LRRC4C: variants seen among roughly 807,000 people sequenced by gnomAD.
The protein encoded by LRRC4C is leucine rich repeat containing 4C.
Under a neutral mutation model 33.6 loss-of-function variants are expected in LRRC4C, and 5 were observed. The observed-to-expected ratio is 0.15, with a 90% confidence interval of 0.08 to 0.31. The LOEUF (loss-of-function observed/expected upper bound fraction) is 0.31, where lower values mean the gene tolerates loss of function less well. LRRC4C is among the 10% of genes least tolerant of loss of function. LRRC4C has a pLI of 1.00. For missense variants in LRRC4C, 560 were observed against 796.7 expected (o/e 0.70, Z 3.58); for synonymous variants, 329 against 302.0 (o/e 1.09, Z -0.93).
intron 5 of LRRC4C, among the ~76,000 whole-genome samples, chr11:40,157,528 T>A (rs1858803099): frequency 6.6e-6 from 1 of 151,920 alleles, no homozygotes; most frequent in Non-Finnish European, 1.5e-5. Flanking sequence ...AGGACTAATA[T>A]CCAGAATCTA....
intron 3 of LRRC4C, among the ~76,000 whole-genome samples, chr11:40,359,212 C>T (rs1459615458): frequency 1.3e-5 from 2 of 152,126 alleles, no homozygotes; most frequent in Non-Finnish European, 2.9e-5. Flanking sequence ...AGCAGGATAC[C>T]AGTATGTGGC....
At chr11:40,401,380 G>A (rs7933903) in intron 3 of LRRC4C, among the ~76,000 whole-genome samples, 57,283 of 151,736 alleles carry the variant, frequency 0.38, 11,171 homozygotes, top group South Asian at 0.47. Context: ...GTCATCCTGC[G>A]TTTACTCTGA....
chr11:40,434,882 T>C (rs1283038927), intron 3 of LRRC4C, among the ~76,000 whole-genome samples: 1 of 152,158 alleles, frequency 6.6e-6, no homozygotes, highest in African/African-American at 2.4e-5. Context: ...AAAGAGAGAA[T>C]GATGAATAGA....
intron 3 of LRRC4C, among the ~76,000 whole-genome samples, chr11:40,578,956 C>G (rs1958340136): frequency 6.6e-6 from 1 of 152,094 alleles, no homozygotes; most frequent in African/African-American, 2.4e-5. Flanking sequence ...AACCTATTGG[C>G]CAAAAATTCC....
intron 1 of LRRC4C, among the ~76,000 whole-genome samples, chr11:41,079,719 G>A (rs2135475424): frequency 6.6e-6 from 1 of 152,264 alleles, no homozygotes; most frequent in South Asian, 2.1e-4. Context: ...AGACCAGGAT[G>A]GCTTCAAATG....
rs2137046696 is a variant in LRRC4C at position 40,345,990 on chromosome 11, C to T, written c.-269-26269G>A. Among the ~76,000 whole-genome samples, 3 of 152,190 alleles carry T rather than the reference C, an allele frequency of 2.0e-5. No homozygotes were observed. The South Asian group carries it at 6.2e-4, about 32-fold the overall frequency. On this transcript the variant is annotated intron_variant, in intron 3 of 6. Transcript: ENST00000528697. ...TCATTAGAGAAATGAAAATCAAAAA[C>T]ACAATAAGACACCATCTCACACCAG...
intron 1 of LRRC4C, among the ~76,000 whole-genome samples, chr11:40,973,231 C>T (rs1851852226): frequency 1.3e-5 from 2 of 151,896 alleles, no homozygotes; most frequent in Admixed American, 1.3e-4. Context: ...TGAACTAATA[C>T]ACTAGTTATG....
chr11:41,441,610 C>A (rs1157428974), intron 1 of LRRC4C, among the ~76,000 whole-genome samples: 2 of 60,294 alleles, frequency 3.3e-5, no homozygotes, highest in African/African-American at 4.5e-5. Flanking sequence ...TATTTTTTTC[C>A]AGTTAAAAAA....
chr11:41,288,413 GGAGA>G (rs1949896730), intron 1 of LRRC4C, among the ~76,000 whole-genome samples: 1 of 152,114 alleles, frequency 6.6e-6, no homozygotes, highest in Non-Finnish European at 1.5e-5. Flanking sequence ...CAGAAACTGG[GGAGA>G]GAGAGTGTAT....
chr11:40,433,943 G>T (rs538920844), intron 3 of LRRC4C, among the ~76,000 whole-genome samples: 1 of 152,120 alleles, frequency 6.6e-6, no homozygotes, highest in South Asian at 2.1e-4. Context: ...AAACTTGAAC[G>T]AATGCTTGAT....
At position 40,734,226 on chromosome 11, in the gene LRRC4C, T is replaced by C. The variant is rs75266173; in HGVS notation, c.-406-85948A>G. 3.3e-3 allele frequency among the ~76,000 whole-genome samples: 508 copies of C among 152,158 alleles called. 5 individuals carry two copies. The highest frequency in any genetic ancestry group is 0.011 in the African/African-American group (477 of 41,504). On this transcript the variant is annotated intron_variant, in intron 2 of 6. Transcript: ENST00000528697. ...AGAATTTACCTTAGAGTCTGAAGGG[T>C]TGGGGAGTCTACAATTATTAAACCC...
At chr11:40,464,329 A>T (rs1952551358) in intron 3 of LRRC4C, among the ~76,000 whole-genome samples, 1 of 152,060 alleles carries the variant, frequency 6.6e-6, no homozygotes, top group African/African-American at 2.4e-5. Flanking sequence ...AACACATATC[A>T]AAATAATAAA....
At chr11:40,469,214 G>T (rs1459540583) in intron 3 of LRRC4C, among the ~76,000 whole-genome samples, 1 of 152,180 alleles carries the variant, frequency 6.6e-6, no homozygotes, top group Non-Finnish European at 1.5e-5. Flanking sequence ...TAGACAGTGG[G>T]TGCAGCCCAC....
At chr11:40,521,440 C>T (rs1206946766) in intron 3 of LRRC4C, among the ~76,000 whole-genome samples, 2 of 152,172 alleles carry the variant, frequency 1.3e-5, no homozygotes, top group Non-Finnish European at 2.9e-5. Flanking sequence ...TATGCTCATT[C>T]ACTCACTTAT....
intron 1 of LRRC4C, among the ~76,000 whole-genome samples, chr11:41,458,546 G>A (rs557030279): frequency 7.2e-6 from 1 of 138,722 alleles, no homozygotes; most frequent in South Asian, 2.7e-4. Context: ...AAGCGTGGTG[G>A]GGGGGAGGGG....
intron 2 of LRRC4C, among the ~76,000 whole-genome samples, chr11:40,859,857 G>C (rs10837510): frequency 1.3e-5 from 2 of 151,490 alleles, no homozygotes; most frequent in Non-Finnish European, 3.0e-5. Flanking sequence ...CGGGCGGATC[G>C]CGAGGTCAGG....
chr11:40,793,585 A>C (rs539789478), intron 2 of LRRC4C, among the ~76,000 whole-genome samples: 1 of 152,292 alleles, frequency 6.6e-6, no homozygotes, highest in East Asian at 1.9e-4. Flanking sequence ...TTTGACTCTT[A>C]TTTTACAAAT....
Position 40,116,200 on chromosome 11 carries a change from C to T in LRRC4C, c.93G>A (p.Leu31=). 1 of 1,613,956 alleles carries T rather than the reference C, an allele frequency of 6.2e-7. No individual in the cohort carries two copies. Among genetic ancestry groups the T allele is most frequent in the Non-Finnish European group, 8.5e-7 (1 of 1,179,952 alleles). Residue 31 remains leucine, a synonymous_variant, in exon 7 of 7, where the codon CTG becomes CTA. Transcript: ENST00000528697. Reference sequence around the variant, plus strand: ...CAGCCACCACAAGAAGTTGAAGAGCCAGCAGCACCACAAGCAGGGGGTCAA... The same window carrying T: ...CAGCCACCACAAGAAGTTGAAGAGCTAGCAGCACCACAAGCAGGGGGTCAA... ...ALFDPLLVVL[L]ALQLLVVAGL...
At chr11:41,008,016 T>C (rs1284271985) in intron 1 of LRRC4C, among the ~76,000 whole-genome samples, 1 of 152,160 alleles carries the variant, frequency 6.6e-6, no homozygotes, top group East Asian at 1.9e-4. Context: ...TTCTTCCATT[T>C]TCTTTCGTAT....
Sources: allele counts gnomAD v4.1 joint callset (sites outside exome capture counted in the v4.1 genomes callset), GRCh38; gene constraint gnomAD v4.1.1; transcripts MANE v1.5; gene names NCBI Gene and HGNC (gene_info 2026-07-23, HGNC 2026-07-21).